Variants in PKNOX2 observed in about 807,000 individuals in gnomAD.
PKNOX2 encodes the protein homeobox protein PKNOX2.
In PKNOX2, 14 loss-of-function variants were observed where a neutral mutation model predicts 53.1. The ratio of observed to expected loss-of-function variants is 0.26; its 90% CI spans 0.17 to 0.41. The LOEUF (loss-of-function observed/expected upper bound fraction) is 0.41, where lower values mean the gene tolerates loss of function less well. PKNOX2 is among the 10% of genes least tolerant of loss of function. The pLI, the probability that PKNOX2 is intolerant of heterozygous loss-of-function variation, is 1.00. For synonymous variants in PKNOX2, 257 were observed against 242.8 expected (o/e 1.06, Z -0.54); for missense variants, 496 against 602.8 (o/e 0.82, Z 1.85).
At chr11:125,292,844 A>C (rs1345365411) in intron 2 of PKNOX2, among the ~76,000 whole-genome samples, 1 of 152,178 alleles carries the variant, frequency 6.6e-6, no homozygotes, top group East Asian at 1.9e-4. Context: ...TCAAGACTGG[A>C]GATATTCATC....
intron 5 of PKNOX2, among the ~76,000 whole-genome samples, chr11:125,384,939 C>G (rs979926417): frequency 6.6e-6 from 1 of 152,142 alleles, no homozygotes; most frequent in Non-Finnish European, 1.5e-5. Context: ...TGTAAATAAT[C>G]GTTGCATCAT....
At chr11:125,364,600 A>C (rs1213872282) in intron 4 of PKNOX2, among the ~76,000 whole-genome samples, 1 of 152,206 alleles carries the variant, frequency 6.6e-6, no homozygotes, top group Non-Finnish European at 1.5e-5. Flanking sequence ...AGAGCAGAGC[A>C]CACTGCTCCC....
chr11:125,172,703 G>A (rs1955417098), intron 1 of PKNOX2, among the ~76,000 whole-genome samples: 1 of 152,152 alleles, frequency 6.6e-6, no homozygotes, highest in Non-Finnish European at 1.5e-5. Flanking sequence ...CTCCCAATTG[G>A]ATTGCTTCGT....
intron 5 of PKNOX2, among the ~76,000 whole-genome samples, chr11:125,382,297 C>A (rs1953295835): frequency 6.6e-6 from 1 of 152,236 alleles, no homozygotes; most frequent in Non-Finnish European, 1.5e-5. Flanking sequence ...TGCATATAAC[C>A]TTGGTGCACA....
chr11:125,278,973 C>G (rs992538701), intron 2 of PKNOX2, among the ~76,000 whole-genome samples: 7 of 152,180 alleles, frequency 4.6e-5, no homozygotes, highest in African/African-American at 7.2e-5. Context: ...GTTTTCCCAG[C>G]CTGGCTGAGC....
intron 2 of PKNOX2, among the ~76,000 whole-genome samples, chr11:125,324,089 G>A (rs747796474): frequency 2.9e-4 from 44 of 151,954 alleles, no homozygotes; most frequent in Non-Finnish European, 3.1e-4. Context: ...AAATGTCACC[G>A]ACTCACCAAA....
intron 5 of PKNOX2, among the ~76,000 whole-genome samples, chr11:125,380,097 G>A (rs1440360788): frequency 6.6e-6 from 1 of 152,198 alleles, no homozygotes; most frequent in African/African-American, 2.4e-5. Flanking sequence ...GAGCTGAGCT[G>A]CGTCTCCCTC....
intron 3 of PKNOX2, among the ~76,000 whole-genome samples, chr11:125,343,127 A>G (rs904665595): frequency 2.6e-5 from 4 of 151,564 alleles, no homozygotes; most frequent in African/African-American, 7.3e-5. Flanking sequence ...CTGGGGGTGA[A>G]CAATAGGGGG....
intron 1 of PKNOX2, among the ~76,000 whole-genome samples, chr11:125,202,303 C>T (rs991698940): frequency 6.6e-6 from 1 of 152,184 alleles, no homozygotes. Context: ...TGCCCTGCCC[C>T]CTGCACCCCT....
intron 1 of PKNOX2, among the ~76,000 whole-genome samples, chr11:125,195,327 C>G (rs934426403): frequency 6.6e-6 from 1 of 152,130 alleles, no homozygotes; most frequent in African/African-American, 2.4e-5. Flanking sequence ...GTTCAAGACA[C>G]GTGCTTTTCC....
chr11:125,293,888 G>A (rs1330851905), intron 2 of PKNOX2, among the ~76,000 whole-genome samples: 1 of 151,754 alleles, frequency 6.6e-6, no homozygotes, highest in African/African-American at 2.4e-5. Context: ...CCCTCTTACC[G>A]CTTACTCAAA....
Position 125,245,078 on chromosome 11 carries a change from G to A in PKNOX2, c.-130+9963G>A, listed in dbSNP as rs1350488304. On this transcript the variant is annotated intron_variant, in intron 2 of 12. Transcript: ENST00000298282. ...CCCAATTTTTAAAAAAGTGTATCAA[G>A]TGACCCATCTGGGACTCTCCCTGGG... 2.0e-5 allele frequency among the ~76,000 whole-genome samples: 3 copies of A among 152,270 alleles called. No individual in the cohort carries two copies. The East Asian group carries it at 5.8e-4, about 29-fold the overall frequency.
At chr11:125,428,599 C>T (rs1315082676) in intron 10 of PKNOX2, among the ~76,000 whole-genome samples, 1 of 152,174 alleles carries the variant, frequency 6.6e-6, no homozygotes, top group East Asian at 1.9e-4. Context: ...TAAATTGATC[C>T]ATTCACCCCG....
At chr11:125,411,992 C>A in intron 10 of PKNOX2, 127 bp downstream of exon 10, 1 of 1,454,282 alleles carries the variant, frequency 6.9e-7, no homozygotes, top group Non-Finnish European at 9.4e-7. Context: ...GGAGAGCTCT[C>A]TGATAGGAAT....
chr11:125,402,126 T>C (rs1400865595), intron 7 of PKNOX2, among the ~76,000 whole-genome samples: 1 of 152,130 alleles, frequency 6.6e-6, no homozygotes, highest in East Asian at 1.9e-4. Flanking sequence ...GTGTGAGTCT[T>C]CTCTGCTGGG....
intron 3 of PKNOX2, among the ~76,000 whole-genome samples, chr11:125,341,359 CAAAAA>C (rs375652054): frequency 2.9e-5 from 3 of 103,038 alleles, no homozygotes; most frequent in African/African-American, 1.1e-4. Context: ...GATTCCGTCT[CAAAAA>C]AAAAAAAAGG....
In PKNOX2 at chr11:125,380,924, CA is replaced by C. The variant is rs546084484; in HGVS notation, c.228-4626del. ...GGAGGGTAGCTTAGACAATATAAGT[CA>C]GCCTTTAGGCAGGTACAGGCTGGGC... On this transcript the variant is annotated intron_variant, in intron 5 of 12. Coordinates refer to ENST00000298282, the MANE Select transcript of PKNOX2 (RefSeq NM_001382323.2). Among the ~76,000 whole-genome samples, 14 of 152,320 alleles carry C rather than the reference CA, an allele frequency of 9.2e-5. No individual in the cohort carries two copies. In the South Asian group the frequency reaches 2.9e-3, roughly 32 times the overall value.
At position 125,379,309 on chromosome 11, in the gene PKNOX2, G is replaced by T. The variant is rs1002651980; in HGVS notation, c.228-6242G>T. The stretch of plus-strand genomic sequence containing the variant: ...AATCCTGACCTAAGGTAATCCACCC[G>T]CCTCAGCCTCCCAAAGCGCTGGGGA... On this transcript the variant is annotated intron_variant, in intron 5 of 12. Coordinates refer to ENST00000298282, the MANE Select transcript of PKNOX2 (RefSeq NM_001382323.2). Among the ~76,000 whole-genome samples, 3 of 152,032 alleles carry T rather than the reference G, an allele frequency of 2.0e-5. No individual in the cohort carries two copies. The South Asian group carries it at 6.2e-4, about 31-fold the overall frequency.
At chr11:125,417,986 T>A in intron 10 of PKNOX2, among the ~76,000 whole-genome samples, 1 of 152,092 alleles carries the variant, frequency 6.6e-6, no homozygotes, top group Non-Finnish European at 1.5e-5. Flanking sequence ...TCTGTGTGAC[T>A]TTTTAGATAG....
Sources: gnomAD v4.1 joint callset for allele counts (sites outside exome capture counted in the v4.1 genomes callset) on GRCh38, gnomAD v4.1.1 for gene constraint, MANE v1.5 for transcripts, NCBI Gene and HGNC (gene_info 2026-07-23, HGNC 2026-07-21) for gene names.